ATR: variants seen among roughly 807,000 people sequenced by gnomAD.
The protein encoded by ATR is serine/threonine-protein kinase ATR.
Under a neutral mutation model 305.3 loss-of-function variants are expected in ATR, and 142 were observed. The observed-to-expected ratio is 0.47, with a 90% CI of 0.41 to 0.53. The LOEUF (loss-of-function observed/expected upper bound fraction) is 0.53. Ranked by LOEUF, ATR falls within the 20% of genes least tolerant of loss-of-function variation. ATR has a pLI of 0.00. For synonymous variants in ATR, 1,050 were observed against 1,068.1 expected, an observed-to-expected ratio of 0.98 and a Z score of 0.33; for missense variants, 2,135 against 3,133.1, an observed-to-expected ratio of 0.68 and a Z score of 7.60.
chr3:142,565,567 G>C (rs2035037872), intron 3 of ATR, among the ~76,000 whole-genome samples: 1 of 151,528 alleles, frequency 6.6e-6, no homozygotes, highest in African/African-American at 2.4e-5. Context: ...ATAAGTAAAA[G>C]AATGAGCATG....
rs58421943 is a variant in ATR, at chr3:142,523,362, G to A, written c.4153-521C>T. 3.3e-3 allele frequency among the ~76,000 whole-genome samples: 498 copies of A among 152,200 alleles called. 5 individuals are homozygous for A. The highest frequency in any genetic ancestry group is 0.012 in the African/African-American group (481 of 41,510). ...TTGAATCCAGGAGGCAGAGGTTGCA[G>A]TAAGCCAAGATCGCACCACTGCACT... is the stretch of plus-strand genomic sequence containing the variant. On this transcript the variant is annotated intron_variant, in intron 22 of 46. Transcript: ENST00000350721.
intron 36 of ATR, among the ~76,000 whole-genome samples, chr3:142,475,369 T>G (rs918478004): frequency 6.6e-6 from 1 of 152,168 alleles, no homozygotes; most frequent in Non-Finnish European, 1.5e-5. Context: ...TGTCCTTCGA[T>G]AGTTTGCTGA....
rs551986706 is a variant in ATR, at chr3:142,494,232, T to C, written c.5899-921A>G. Reference sequence around the variant, plus strand: ...CAAATACTGTGTATGCCACTTTATATAAAGGACTTGAGTATCCACAGATTT... The same window carrying C: ...CAAATACTGTGTATGCCACTTTATACAAAGGACTTGAGTATCCACAGATTT... On this transcript the variant is annotated intron_variant, in intron 34 of 46. Transcript: ENST00000350721. 3.2e-4 allele frequency among the ~76,000 whole-genome samples: 49 copies of C among 152,276 alleles called. No homozygotes were observed. In the South Asian group the frequency reaches 4.1e-3, roughly 13 times the overall value.
chr3:142,542,585 G>C (rs1016550198), intron 17 of ATR, 80 bp downstream of exon 17: 6 of 1,246,724 alleles, frequency 4.8e-6, no homozygotes, highest in Non-Finnish European at 7.0e-6. Flanking sequence ...TCTCATCTTT[G>C]AATGTTTGTA....
At chr3:142,571,492 T>C (rs989171912) in intron 1 of ATR, among the ~76,000 whole-genome samples, 1 of 149,576 alleles carries the variant, frequency 6.7e-6, no homozygotes. Context: ...AATAAATAAA[T>C]AAATAAATAA....
At chr3:142,511,485 G>A (rs190004727) in intron 27 of ATR, among the ~76,000 whole-genome samples, 39 of 151,698 alleles carry the variant, frequency 2.6e-4, no homozygotes, top group Admixed American at 8.5e-4. Flanking sequence ...GTGAAACCCC[G>A]TCTCTACTAA....
intron 39 of ATR, among the ~76,000 whole-genome samples, chr3:142,467,225 A>C (rs2071150686): frequency 6.6e-6 from 1 of 151,904 alleles, no homozygotes; most frequent in Admixed American, 6.6e-5. Flanking sequence ...CCTCCTTATA[A>C]CCACCCCCAC....
intron 13 of ATR, among the ~76,000 whole-genome samples, 177 bp downstream of exon 13, chr3:142,553,050 C>T (rs1026809959): frequency 2.0e-5 from 3 of 152,082 alleles, no homozygotes; most frequent in Admixed American, 1.3e-4. Context: ...CAAACCACCA[C>T]GACACGTTTA....
rs1249201228 is a variant in ATR, at chr3:142,459,096, T to G, written c.7365A>C (p.Ser2455=). The change falls in exon 44 of 47, where the codon TCA becomes TCC. Residue 2455 remains serine, a synonymous_variant. Coordinates refer to ENST00000350721, the MANE Select transcript of ATR (RefSeq NM_001184.4). The stretch of plus-strand genomic sequence containing the variant: ...TTACTGCAGTGGAACGGCAGTAAGC[T>G]GATCTACTACTGTACCTAAAAGAAA... ...PDPTSWYSSR[S]AYCRSTAVMS... is the part of the protein sequence containing the mutation. 6.2e-7 allele frequency: 1 copy of G among 1,614,056 alleles called. No homozygotes were observed. Among genetic ancestry groups the G allele is most frequent in the Non-Finnish European group, 8.5e-7 (1 of 1,179,902 alleles).
intron 30 of ATR, among the ~76,000 whole-genome samples, chr3:142,501,775 C>T (rs576249281): frequency 2.0e-5 from 3 of 152,256 alleles, no homozygotes; most frequent in African/African-American, 7.2e-5. Flanking sequence ...GACAAAGTCT[C>T]CCTCTGCTGC....
intron 41 of ATR, among the ~76,000 whole-genome samples, chr3:142,464,655 C>T (rs959549520): frequency 6.6e-6 from 1 of 152,026 alleles, no homozygotes; most frequent in Non-Finnish European, 1.5e-5. Context: ...ATATGAGGTA[C>T]CTCAAATGGT....
At chr3:142,539,742 C>T (rs1003419771) in intron 18 of ATR, among the ~76,000 whole-genome samples, 4 of 152,072 alleles carry the variant, frequency 2.6e-5, no homozygotes, top group Admixed American at 1.3e-4. Context: ...TACAGATACG[C>T]ACAATCATGC....
chr3:142,525,249 G>A (rs1322891085), intron 21 of ATR, among the ~76,000 whole-genome samples: 2 of 151,954 alleles, frequency 1.3e-5, no homozygotes, highest in Non-Finnish European at 2.9e-5. Flanking sequence ...GTTTCCCACT[G>A]GTCTGGTTAT....
chr3:142,457,454 G>T, intron 45 of ATR, 150 bp downstream of exon 45: 1 of 903,290 alleles, frequency 1.1e-6, no homozygotes, highest in Non-Finnish European at 1.6e-6. Flanking sequence ...GTGAATTTAT[G>T]GTATATAAAT....
At position 142,464,842 on chromosome 3, in the gene ATR, T is replaced by TGCC. The variant is rs749932900; in HGVS notation, c.7041+254_7041+255insGGC. Among the ~76,000 whole-genome samples the TGCC allele has an allele frequency of 1.8e-3, 276 of 152,288 alleles. 1 individual carries two copies. The highest frequency in any genetic ancestry group is 3.4e-3 in the Non-Finnish European group (234 of 68,014). On this transcript the variant is annotated intron_variant, in intron 41 of 46. Coordinates refer to ENST00000350721, the MANE Select transcript of ATR (RefSeq NM_001184.4). Reference sequence around the variant, plus strand: ...ATGTACTTAATGCCACTGAACAATATACTTCAAAAACTGTCAAATGTTAAG... The same window carrying TGCC: ...ATGTACTTAATGCCACTGAACAATATGCCACTTCAAAAACTGTCAAATGTTAAG...
At position 142,522,742 on chromosome 3, in the gene ATR, C is replaced by A. The variant is rs2108395522; in HGVS notation, c.4252G>T (p.Ala1418Ser). Residue 1418 changes from alanine to serine, a missense_variant, in exon 23 of 47, where the codon GCC (alanine) becomes TCC (serine). Ala to Ser is a moderately conservative substitution (Grantham distance 99, BLOSUM62 1). Coordinates refer to ENST00000350721, the MANE Select transcript of ATR (RefSeq NM_001184.4). Reference sequence around the variant, plus strand: ...TCCACTCTTACCTGAATGGCATAGGCAGCTGAATCTTGAGCTCGGCTATTA... The same window carrying A: ...TCCACTCTTACCTGAATGGCATAGGAAGCTGAATCTTGAGCTCGGCTATTA... ...ADNSRAQDSA[A>S]YAIQELLSIY... is the part of the protein sequence containing the mutation. The A allele has an allele frequency of 1.9e-6, 3 of 1,612,434 alleles. No homozygotes were observed. Among genetic ancestry groups the A allele is most frequent in the Non-Finnish European group, 2.5e-6 (3 of 1,178,598 alleles).
chr3:142,555,479 A>T (rs1166336305), intron 10 of ATR, among the ~76,000 whole-genome samples: 2 of 152,156 alleles, frequency 1.3e-5, no homozygotes, highest in Non-Finnish European at 2.9e-5. Context: ...GGCCAAGAAG[A>T]TACACTCTAT....
rs1577700792 is a variant in ATR, at chr3:142,561,323, A to G, written c.1269T>C (p.Asn423=). 6.2e-7 allele frequency: 1 copy of G among 1,614,086 alleles called. No individual in the cohort carries two copies. Among genetic ancestry groups the G allele is most frequent in the Non-Finnish European group, 8.5e-7 (1 of 1,179,966 alleles). Residue 423 remains asparagine (N), a synonymous_variant, in exon 5 of 47, where the codon AAT becomes AAC. Coordinates refer to ENST00000350721, the MANE Select transcript of ATR (RefSeq NM_001184.4). ...GCCTTTTGGGTGATATTCCATCACTATTACTGCTGAGGTTTTCCTGTTGAG... is the reference window on the plus strand; with the variant it reads ...GCCTTTTGGGTGATATTCCATCACTGTTACTGCTGAGGTTTTCCTGTTGAG... The part of the protein sequence containing the change: ...CQTQQENLSS[N]SDGISPKRRR...
At chr3:142,451,672 TG>T in intron 46 of ATR, 1 of 1,203,150 alleles carries the variant, frequency 8.3e-7, no homozygotes, top group Middle Eastern at 3.2e-4. Flanking sequence ...CTCCAACTCC[TG>T]GGGTCAAGTG....
Sources: allele counts gnomAD v4.1 joint callset (sites outside exome capture counted in the v4.1 genomes callset), GRCh38; gene constraint gnomAD v4.1.1; transcripts MANE v1.5; gene names NCBI Gene and HGNC (gene_info 2026-07-23, HGNC 2026-07-21).